AGAP1: variants seen among roughly 807,000 people sequenced by gnomAD.
The protein encoded by AGAP1 is ArfGAP with GTPase domain, ankyrin repeat and PH domain 1.
In AGAP1, 29 loss-of-function variants were observed where a neutral mutation model predicts 105.3. The observed-to-expected ratio is 0.28, with a 90% CI of 0.21 to 0.38. AGAP1 has a LOEUF of 0.38. Among genes scored for constraint, AGAP1 ranks in the 10% least tolerant of loss-of-function variants. The pLI is 1.00. For synonymous variants in AGAP1, 509 were observed against 485.9 expected (o/e 1.05, Z -0.63); for missense variants, 998 against 1,165.1 (o/e 0.86, Z 2.09).
intron 1 of AGAP1, among the ~76,000 whole-genome samples, chr2:235,584,648 G>A (rs962115271): frequency 6.6e-6 from 1 of 151,790 alleles, no homozygotes; most frequent in African/African-American, 2.4e-5. Flanking sequence ...CGGCCCTGCA[G>A]ACACCTTGAT....
At position 236,090,642 on chromosome 2, in the gene AGAP1, C is replaced by G. The variant is rs1229271149; in HGVS notation, c.2115-29550C>G. 6.6e-6 allele frequency among the ~76,000 whole-genome samples: 1 copy of G among 152,158 alleles called. No individual in the cohort carries two copies. Among genetic ancestry groups the G allele is most frequent in the Non-Finnish European group, 1.5e-5 (1 of 68,030 alleles). On this transcript the variant is annotated intron_variant, in intron 16 of 17. Coordinates refer to ENST00000304032, the MANE Select transcript of AGAP1 (RefSeq NM_001037131.3). The surrounding 1 kb of genome is among the most constrained non-coding windows in gnomAD (Gnocchi z 4.3). Reference sequence around the variant, plus strand: ...ATCACTTTTGGATATTGAAAGCTAGCAGGGAGGGGGTCTTCCTGGTTATAC... The same window carrying G: ...ATCACTTTTGGATATTGAAAGCTAGGAGGGAGGGGGTCTTCCTGGTTATAC...
In AGAP1 at chr2:235,724,064, T is replaced by C. The variant is rs1951527234; in HGVS notation, c.310+6420T>C. ...GGAAGGGCCTTAGCCAGGCATGATG[T>C]GGGAGCGTTGGCCCTGGCATTCCCG... On this transcript the variant is annotated intron_variant, in intron 3 of 17. Coordinates refer to ENST00000304032, the MANE Select transcript of AGAP1 (RefSeq NM_001037131.3). This position sits in a 1 kb window ranked among gnomAD's most constrained non-coding sequence, Gnocchi z 4.9. Among the ~76,000 whole-genome samples the C allele has an allele frequency of 6.6e-6, 1 of 152,236 alleles. No individual in the cohort carries two copies. The highest frequency in any genetic ancestry group is 6.5e-5 in the Admixed American group (1 of 15,284).
intron 1 of AGAP1, among the ~76,000 whole-genome samples, chr2:235,643,807 T>TG (rs1401063072): frequency 6.6e-6 from 1 of 152,054 alleles, no homozygotes; most frequent in Non-Finnish European, 1.5e-5. Context: ...AGATACTTTG[T>TG]GGGGGGAAAA....
rs113517760 is a variant in AGAP1, at chr2:235,638,717, A to G, written c.164-70462A>G. Reference sequence around the variant, plus strand: ...TAATAGCGTGGTGTCCTGGAGTCACATGGCTGCTCTGGCTTGCCAGTGGAG... The same window carrying G: ...TAATAGCGTGGTGTCCTGGAGTCACGTGGCTGCTCTGGCTTGCCAGTGGAG... On this transcript the variant is annotated intron_variant, in intron 1 of 17. Transcript: ENST00000304032. 1.2e-3 allele frequency among the ~76,000 whole-genome samples: 183 copies of G among 152,280 alleles called. 1 individual carries two copies. The highest frequency in any genetic ancestry group is 4.1e-3 in the African/African-American group (172 of 41,564).
chr2:235,791,337 C>T (rs770024117), intron 6 of AGAP1, among the ~76,000 whole-genome samples: 3 of 152,128 alleles, frequency 2.0e-5, no homozygotes, highest in African/African-American at 4.8e-5. Flanking sequence ...AGATTACAGC[C>T]GGTAGTGGCT....
In AGAP1 at chr2:236,020,992, C is replaced by G. The variant is rs1348469779; in HGVS notation, c.1646-15569C>G. Among the ~76,000 whole-genome samples the G allele has an allele frequency of 1.3e-5, 2 of 151,836 alleles. No homozygotes were observed. Among genetic ancestry groups the G allele is most frequent in the African/African-American group, 4.8e-5 (2 of 41,330 alleles). ...ACCAGCCTGGTCAACGTGGTGAAAC[C>G]CCATCTCTACTAAAAATACAAAAAT... On this transcript the variant is annotated intron_variant, in intron 13 of 17. Transcript: ENST00000304032. This position sits in a 1 kb window ranked among gnomAD's most constrained non-coding sequence, Gnocchi z 5.0.
rs1946831591 is a variant in AGAP1, at chr2:235,631,580, C to G, written c.164-77599C>G. Among the ~76,000 whole-genome samples, 1 of 152,220 alleles carries G rather than the reference C, an allele frequency of 6.6e-6. No homozygotes were observed. Among genetic ancestry groups the G allele is most frequent in the Admixed American group, 6.5e-5 (1 of 15,282 alleles). ...GCACCCTTCCTAGAGGACCTATTTCCTCTTGGTGCTCTTCTGCTTTTTGCT... is the reference window on the plus strand; with the variant it reads ...GCACCCTTCCTAGAGGACCTATTTCGTCTTGGTGCTCTTCTGCTTTTTGCT... On this transcript the variant is annotated intron_variant, in intron 1 of 17. Coordinates refer to ENST00000304032, the MANE Select transcript of AGAP1 (RefSeq NM_001037131.3). This position sits in a 1 kb window ranked among gnomAD's most constrained non-coding sequence, Gnocchi z 5.4.
At chr2:235,850,697 T>G (rs973628856) in intron 9 of AGAP1, among the ~76,000 whole-genome samples, 1 of 152,256 alleles carries the variant, frequency 6.6e-6, no homozygotes, top group Non-Finnish European at 1.5e-5. Flanking sequence ...TGCAAAAAGT[T>G]TTCCTGTTTC....
intron 9 of AGAP1, among the ~76,000 whole-genome samples, chr2:235,852,213 C>T (rs924744445): frequency 2.0e-5 from 3 of 152,184 alleles, no homozygotes; most frequent in Admixed American, 6.5e-5. Flanking sequence ...GTTCTGTAGC[C>T]GATTACCCAA....
At chr2:235,502,276 C>T (rs535647894) in intron 1 of AGAP1, among the ~76,000 whole-genome samples, 99 of 152,084 alleles carry the variant, frequency 6.5e-4, no homozygotes, top group Non-Finnish European at 1.3e-3. Context: ...AATACCACCC[C>T]CTGCAGAAGA....
chr2:235,862,570 C>T (rs532360682), intron 9 of AGAP1, among the ~76,000 whole-genome samples: 32 of 152,360 alleles, frequency 2.1e-4, no homozygotes, highest in Non-Finnish European at 4.0e-4. Flanking sequence ...TAGGGCAGTG[C>T]AAACTGCAAA....
rs532076623 is a variant in AGAP1 at position 235,541,808 on chromosome 2, A to G, written c.163+46959A>G. Among the ~76,000 whole-genome samples the G allele has an allele frequency of 9.8e-5, 15 of 152,304 alleles. No homozygotes were observed. In the East Asian group the frequency reaches 1.9e-3, roughly 20 times the overall value. ...TTTTACCTGTTTCTATAAACTTTATATAGATGTAATTTACCTGTATGTGGT... is the reference window on the plus strand; with the variant it reads ...TTTTACCTGTTTCTATAAACTTTATGTAGATGTAATTTACCTGTATGTGGT... On this transcript the variant is annotated intron_variant, in intron 1 of 17. Coordinates refer to ENST00000304032, the MANE Select transcript of AGAP1 (RefSeq NM_001037131.3).
At chr2:235,939,543 A>G (rs73996638) in intron 12 of AGAP1, among the ~76,000 whole-genome samples, 1,601 of 150,494 alleles carry the variant, frequency 0.011, 25 homozygotes, top group African/African-American at 0.037. Context: ...CTCTCCTTCT[A>G]TTCTCCTTCT....
chr2:236,054,324 A>G (rs1576183166), intron 16 of AGAP1, among the ~76,000 whole-genome samples: 1 of 152,182 alleles, frequency 6.6e-6, no homozygotes. Context: ...ATAAAGATGC[A>G]CTGTTCCAAA....
At chr2:235,496,879 G>T (rs368740567) in intron 1 of AGAP1, among the ~76,000 whole-genome samples, 4 of 152,184 alleles carry the variant, frequency 2.6e-5, no homozygotes, top group African/African-American at 7.2e-5. Context: ...TTTTAATAAG[G>T]CTTAGAATCA....
chr2:235,882,489 G>C lies in AGAP1; in HGVS notation c.1051-856G>C. On this transcript the variant is annotated intron_variant, in intron 9 of 17. Coordinates refer to ENST00000304032, the MANE Select transcript of AGAP1 (RefSeq NM_001037131.3). This position sits in a 1 kb window ranked among gnomAD's most constrained non-coding sequence, Gnocchi z 4.6. ...GATTCCCCCCACGTCTGGTTTGTCT[G>C]CCATTTTCTTAAAACAATCGGTACC... 6.5e-7 allele frequency: 1 copy of C among 1,538,424 alleles called. No homozygotes were observed. The highest frequency in any genetic ancestry group is 8.9e-7 in the Non-Finnish European group (1 of 1,118,130).
At chr2:235,805,557 A>C (rs189574039) in intron 8 of AGAP1, among the ~76,000 whole-genome samples, 7 of 152,152 alleles carry the variant, frequency 4.6e-5, no homozygotes, top group African/African-American at 1.7e-4. Context: ...TTAAAAAAAA[A>C]TTTTTTTAAT....
intron 6 of AGAP1, among the ~76,000 whole-genome samples, chr2:235,763,989 TGTGGCTGTGATCCGTGC>T (rs1238570120): frequency 2.1e-5 from 3 of 142,822 alleles, no homozygotes; most frequent in East Asian, 2.0e-4. Flanking sequence ...AAGATCTGTG[TGTGGCTGTGATCCGTGC>T]GTGGCTGTGA....
chr2:235,519,954 T>C (rs1371399621), intron 1 of AGAP1, among the ~76,000 whole-genome samples: 1 of 152,136 alleles, frequency 6.6e-6, no homozygotes, highest in Non-Finnish European at 1.5e-5. Context: ...GGCTAATTTT[T>C]TTGTATTTTT....
Sources: gnomAD v4.1 joint callset for allele counts (sites outside exome capture counted in the v4.1 genomes callset) on GRCh38, gnomAD v4.1.1 for gene constraint, Gnocchi (gnomAD v3.1) non-coding constraint, MANE v1.5 for transcripts, NCBI Gene and HGNC (gene_info 2026-07-23, HGNC 2026-07-21) for gene names.